The following CCL14 variants were observed in gnomAD, a reference collection of about 807,000 sequenced individuals.
CCL14 encodes C-C motif chemokine ligand 14.
CCL14 carries 8 observed loss-of-function variants against 8.2 expected under a neutral mutation model. The ratio of observed to expected loss-of-function variants is 0.98; its 90% confidence interval spans 0.57 to 1.76. The LOEUF is 1.76. CCL14 is among the 40% of genes most tolerant of loss of function. The probability of loss-of-function intolerance (pLI) is 0.00; values close to 1 mark genes in which losing one functional copy is unlikely to be tolerated. For synonymous variants in CCL14, 50 were observed against 43.2 expected (o/e 1.16, Z -0.62); for missense variants, 127 against 118.3 (o/e 1.07, Z -0.34).
Position 35,983,749 on chromosome 17 carries a change from C to A in CCL14, c.*52G>T. The stretch of plus-strand genomic sequence containing the variant: ...CGGTGGGTGGAGGAGGGGGCCTTGG[C>A]ATCTTCTCTTTATGTCTCTGAGCTG... On this transcript the variant is annotated 3_prime_UTR_variant, in exon 3 of 3. Transcript: ENST00000618404. 7.7e-7 allele frequency: 1 copy of A among 1,297,316 alleles called. No individual in the cohort carries two copies. Among genetic ancestry groups the A allele is most frequent in the South Asian group, 1.2e-5 (1 of 84,602 alleles). 80.4% of individuals were successfully genotyped at this position (1,297,316 alleles called of 1,614,324 possible).
In CCL14 at chr17:35,985,872, T is replaced by C. The variant is rs114534185; in HGVS notation, c.79+699A>G. 654 of 1,250,642 alleles carry C rather than the reference T, an allele frequency of 5.2e-4. 3 individuals are homozygous for C. The African/African-American group carries it at 8.2e-3, about 16-fold the overall frequency. 77.5% of individuals were successfully genotyped at this position (1,250,642 alleles called of 1,614,324 possible). A position where few individuals can be genotyped will look rare whatever the true frequency, so the allele number is the denominator to read the frequency against. On this transcript the variant is annotated intron_variant, in intron 1 of 2. Coordinates refer to ENST00000618404, the MANE Select transcript of CCL14 (RefSeq NM_032963.4). Reference sequence around the variant, plus strand: ...TCTAAAGGCAGCTTATTCTAAGAAATCAGCTGAGAAAAGGGGGCCTAGGAT... The same window carrying C: ...TCTAAAGGCAGCTTATTCTAAGAAACCAGCTGAGAAAAGGGGGCCTAGGAT...
Position 35,983,708 on chromosome 17 carries a change from T to G in CCL14, c.*93A>C, listed in dbSNP as rs913086783. 1.4e-5 allele frequency: 12 copies of G among 863,756 alleles called. No individual in the cohort carries two copies. Among genetic ancestry groups the G allele is most frequent in the Non-Finnish European group, 2.4e-5 (12 of 500,912 alleles). 53.5% of individuals were successfully genotyped at this position (863,756 alleles called of 1,614,324 possible). ...AGCAGGGAAGCTCCAAGAGGGTGAC[T>G]GGGGCTGAGAGTTAGCGGTGGGTGG... On this transcript the variant is annotated 3_prime_UTR_variant, in exon 3 of 3. Transcript: ENST00000618404.
chr17:35,984,356 C>A lies in CCL14; in HGVS notation c.176G>T (p.Cys59Phe). The A allele has an allele frequency of 6.2e-7, 1 of 1,613,224 alleles. No individual in the cohort carries two copies. The highest frequency in any genetic ancestry group is 8.5e-7 in the Non-Finnish European group (1 of 1,179,334). Residue 59 changes from cysteine (C) to phenylalanine (F), a missense_variant, in exon 2 of 3, where the codon TGC becomes TTC. By Grantham distance (205) the Cys-to-Phe change is radical. Coordinates refer to ENST00000618404, the MANE Select transcript of CCL14 (RefSeq NM_032963.4). ...CACCTACACAATTCCGGGCTTGGAGCACTGGCTGTTGGTCTCATAGTAATC... is the reference window on the plus strand; with the variant it reads ...CACCTACACAATTCCGGGCTTGGAGAACTGGCTGTTGGTCTCATAGTAATC... ...IMDYYETNSQ[C>F]SKPGIVFITK...
intron 1 of CCL14, chr17:35,985,832 A>T: frequency 6.6e-7 from 1 of 1,511,880 alleles, no homozygotes; most frequent in Non-Finnish European, 9.0e-7. Flanking sequence ...AGAGTGATAA[A>T]TAGTTTTGGT....
chr17:35,984,881 G>A (rs1236552439), intron 1 of CCL14: 1 of 314,538 alleles, frequency 3.2e-6, no homozygotes. Flanking sequence ...TAGGGATTTG[G>A]AGACATGCCA....
rs191627296 is a variant in CCL14, at chr17:35,986,709, G to A, written c.-60C>T. 202 of 1,236,804 alleles carry A rather than the reference G, an allele frequency of 1.6e-4. No individual in the cohort carries two copies. Among genetic ancestry groups the A allele is most frequent in the Middle Eastern group, 2.0e-4 (1 of 5,096 alleles). 76.6% of individuals were successfully genotyped at this position (1,236,804 alleles called of 1,614,324 possible). A position where few individuals can be genotyped will look rare whatever the true frequency, so the allele number is the denominator to read the frequency against. On this transcript the variant is annotated 5_prime_UTR_variant, in exon 1 of 3. Transcript: ENST00000618404. ...TGGTGGGAGCTTCAGAGGCTCCTGC[G>A]GTGAGGAATTGTTGAGAAATGATCA...
rs532266388 is a variant in CCL14, at chr17:35,984,364, G to T, written c.168C>A (p.Asn56Lys). 3.5e-5 allele frequency: 57 copies of T among 1,613,558 alleles called. No homozygotes were observed. The Admixed American group carries it at 9.3e-4, about 26-fold the overall frequency. Residue 56 changes from asparagine (N) to lysine (K), a missense_variant, in exon 2 of 3, where the codon AAC (asparagine) becomes AAA (lysine). Asn to Lys is a moderately conservative substitution (Grantham distance 94). Coordinates refer to ENST00000618404, the MANE Select transcript of CCL14 (RefSeq NM_032963.4). ...CAATTCCGGGCTTGGAGCACTGGCTGTTGGTCTCATAGTAATCCATAATCC... is the reference window on the plus strand; with the variant it reads ...CAATTCCGGGCTTGGAGCACTGGCTTTTGGTCTCATAGTAATCCATAATCC... ...RQRIMDYYETNSQCSKPGIVF... is the reference protein window; with the variant it reads ...RQRIMDYYETKSQCSKPGIVF...
chr17:35,984,924 T>C, intron 1 of CCL14: 1 of 229,072 alleles, frequency 4.4e-6, no homozygotes, highest in Non-Finnish European at 8.4e-6. Context: ...CTCCTAGTGC[T>C]CCACCCTGCC....
chr17:35,985,922 C>G (rs998933845), intron 1 of CCL14: 1 of 758,652 alleles, frequency 1.3e-6, no homozygotes, highest in African/African-American at 1.7e-5. Context: ...CGTGTTTCCC[C>G]CCAGCCCATA....
chr17:35,983,866 A>G lies in CCL14; in HGVS notation c.217T>C (p.Ser73Pro). 2 of 1,613,970 alleles carry G rather than the reference A, an allele frequency of 1.2e-6. No individual in the cohort carries two copies. The highest frequency in any genetic ancestry group is 1.7e-6 in the Non-Finnish European group (2 of 1,179,870). ...TTGTCACTGGGGTTGGTACAGACGG[A>G]ATGGCCCCTTTTGGTGATGAAGCTG... ...GIVFITKRGH[S>P]VCTNPSDKWV... The change falls in exon 3 of 3, where the codon TCC (serine) becomes CCC (proline). Residue 73 changes from serine to proline, a missense_variant. Transcript: ENST00000618404.
At chr17:35,985,909 T>C (rs1367187046) in intron 1 of CCL14, 2 of 835,458 alleles carry the variant, frequency 2.4e-6, no homozygotes, top group Non-Finnish European at 3.9e-6. Flanking sequence ...GACCCCACAC[T>C]GTCGTGTTTC....
Position 35,985,763 on chromosome 17 carries a change from G to A in CCL14, c.79+808C>T, listed in dbSNP as rs909027611. On this transcript the variant is annotated intron_variant, in intron 1 of 2. Transcript: ENST00000618404. Reference sequence around the variant, plus strand: ...GTGCACATACCCACCAACTTTAGCTGTATTTTAACAACCTTCGGTTTCCCC... The same window carrying A: ...GTGCACATACCCACCAACTTTAGCTATATTTTAACAACCTTCGGTTTCCCC... 7 of 1,551,420 alleles carry A rather than the reference G, an allele frequency of 4.5e-6. No homozygotes were observed. In the African/African-American group the frequency reaches 6.8e-5, roughly 15 times the overall value.
intron 1 of CCL14, chr17:35,985,502 C>T (rs1268282308): frequency 5.4e-6 from 3 of 550,692 alleles, no homozygotes; most frequent in Non-Finnish European, 9.6e-6. Context: ...GTTATGTGAC[C>T]CTGCTTCATA....
chr17:35,985,617 C>A, intron 1 of CCL14: 1 of 731,920 alleles, frequency 1.4e-6, no homozygotes, highest in Non-Finnish European at 2.3e-6. Flanking sequence ...CAGGCAGCAT[C>A]CTCACGATCC....
intron 1 of CCL14, chr17:35,984,781 A>C: frequency 2.0e-6 from 1 of 493,462 alleles, no homozygotes; most frequent in Non-Finnish European, 3.5e-6. Context: ...CTGGCAGAGA[A>C]GGCTAGGGAC....
chr17:35,984,282 C>T, intron 2 of CCL14, 56 bp downstream of exon 2: 1 of 1,290,788 alleles, frequency 7.7e-7, no homozygotes, highest in South Asian at 1.2e-5. Flanking sequence ...CTGCTTCCCT[C>T]CAGGAGGCCC....
chr17:35,983,927 C>A lies in CCL14; in HGVS notation c.195-39G>T, dbSNP rs1031219996. 4.7e-6 allele frequency: 7 copies of A among 1,480,490 alleles called. No individual in the cohort carries two copies. The African/African-American group carries it at 8.3e-5, about 18-fold the overall frequency. The allele number at this position is 1,480,490 out of a possible 1,614,324, so 91.7% of individuals were successfully genotyped here. The stretch of plus-strand genomic sequence containing the variant: ...GGGAGAAGGATCACAAACCGAGGGG[C>A]CCAGTGGCCGGAAGAGACAGCCCAT... On this transcript the variant is annotated intron_variant, in intron 2 of 2. Coordinates refer to ENST00000618404, the MANE Select transcript of CCL14 (RefSeq NM_032963.4).
At chr17:35,983,946 A>G in intron 2 of CCL14, 58 bp from the exon 3 acceptor site, 2 of 1,258,046 alleles carry the variant, frequency 1.6e-6, no homozygotes, top group Non-Finnish European at 2.3e-6. Context: ...CGGAAGAGAC[A>G]GCCCATCTTC....
intron 1 of CCL14, chr17:35,985,823 G>C: frequency 6.5e-7 from 1 of 1,534,770 alleles, no homozygotes; most frequent in Non-Finnish European, 8.8e-7. Flanking sequence ...TAAAATGGAA[G>C]AGTGATAAAT....
Sources: gnomAD v4.1 joint callset for allele counts on GRCh38, gnomAD v4.1.1 for gene constraint, MANE v1.5 for transcripts, NCBI Gene and HGNC (gene_info 2026-07-23, HGNC 2026-07-21) for gene names.